Variants in ST8SIA5 observed in about 807,000 individuals in gnomAD.
ST8SIA5 encodes ST8 alpha-N-acetyl-neuraminide alpha-2,8-sialyltransferase 5.
In ST8SIA5, 24 loss-of-function variants were observed where a neutral mutation model predicts 40.2. The observed-to-expected ratio is 0.60, with a 90% CI of 0.43 to 0.84. ST8SIA5 has a LOEUF of 0.84. ST8SIA5 is among the 40% of genes least tolerant of loss of function. The probability of loss-of-function intolerance (pLI) is 0.00; values close to 1 mark genes in which losing one functional copy is unlikely to be tolerated. For missense variants in ST8SIA5, 465 were observed against 498.5 expected (o/e 0.93, Z 0.64); for synonymous variants, 198 against 201.8 (o/e 0.98, Z 0.16).
intron 5 of ST8SIA5, among the ~76,000 whole-genome samples, chr18:46,682,530 A>T (rs1016047497): frequency 1.3e-5 from 2 of 152,254 alleles, no homozygotes; most frequent in African/African-American, 4.8e-5. Flanking sequence ...TTAGAAATGC[A>T]ACACATATTG....
rs138473590 is a variant in ST8SIA5, at chr18:46,699,757, A to G, written c.224+4815T>C. Reference sequence around the variant, plus strand: ...CCCTCTGTCCACTTATTCATTTAACACATGAGTACTGAGCTGGCATAGGGC... The same window carrying G: ...CCCTCTGTCCACTTATTCATTTAACGCATGAGTACTGAGCTGGCATAGGGC... On this transcript the variant is annotated intron_variant, in intron 2 of 6. Coordinates refer to ENST00000315087, the MANE Select transcript of ST8SIA5 (RefSeq NM_013305.6). Among the ~76,000 whole-genome samples the G allele has an allele frequency of 7.4e-3, 1,129 of 152,274 alleles. 17 individuals carry two copies. Among genetic ancestry groups the G allele is most frequent in the African/African-American group, 0.025 (1,043 of 41,550 alleles).
intron 1 of ST8SIA5, among the ~76,000 whole-genome samples, chr18:46,735,525 T>C (rs1414658755): frequency 6.6e-6 from 1 of 152,214 alleles, no homozygotes; most frequent in African/African-American, 2.4e-5. Context: ...CACAGACTTA[T>C]AAATAAGTGC....
intron 2 of ST8SIA5, among the ~76,000 whole-genome samples, chr18:46,697,862 C>T (rs1390092618): frequency 6.6e-6 from 1 of 152,072 alleles, no homozygotes; most frequent in Non-Finnish European, 1.5e-5. Context: ...TAAAAAGATT[C>T]CACATTTCAG....
chr18:46,688,880 G>A lies in ST8SIA5; in HGVS notation c.351C>T (p.Leu117=). The change falls in exon 4 of 7, where the codon CTC becomes CTT. Residue 117 remains leucine (L), a synonymous_variant. Coordinates refer to ENST00000315087, the MANE Select transcript of ST8SIA5 (RefSeq NM_013305.6). ...LSRCCNAPAF[L]FTTQKNTPLG... ...GGGGAGTGTTCTTCTGGGTGGTGAA[G>A]AGAAAGGCAGGGGCGTTGCAGCACC... is the stretch of plus-strand genomic sequence containing the variant. The A allele has an allele frequency of 1.2e-6, 2 of 1,614,148 alleles. No homozygotes were observed. The highest frequency in any genetic ancestry group is 1.7e-6 in the Non-Finnish European group (2 of 1,180,004).
chr18:46,755,213 A>C lies in ST8SIA5; in HGVS notation c.131+1165T>G, dbSNP rs1402521191. Among the ~76,000 whole-genome samples, 5 of 152,188 alleles carry C rather than the reference A, an allele frequency of 3.3e-5. No individual in the cohort carries two copies. The South Asian group carries it at 1.0e-3, about 32-fold the overall frequency. On this transcript the variant is annotated intron_variant, in intron 1 of 6. Transcript: ENST00000315087. ...TTTCCACTGGACAGCGACACCTAGCAGCGATCCTCACCCTCCCACCTTCGT... is the reference window on the plus strand; with the variant it reads ...TTTCCACTGGACAGCGACACCTAGCCGCGATCCTCACCCTCCCACCTTCGT...
At chr18:46,725,383 G>A (rs2039906617) in intron 1 of ST8SIA5, among the ~76,000 whole-genome samples, 2 of 152,116 alleles carry the variant, frequency 1.3e-5, no homozygotes, top group African/African-American at 2.4e-5. Flanking sequence ...CAGCATGCAT[G>A]AAGGGTCAGC....
chr18:46,702,172 G>C (rs1357134685), intron 2 of ST8SIA5, among the ~76,000 whole-genome samples: 1 of 150,108 alleles, frequency 6.7e-6, no homozygotes. Flanking sequence ...ACAGAAATTA[G>C]TCATTTATTC....
intron 1 of ST8SIA5, among the ~76,000 whole-genome samples, chr18:46,735,167 C>T (rs1212940471): frequency 2.6e-5 from 4 of 152,374 alleles, no homozygotes; most frequent in East Asian, 1.9e-4. Flanking sequence ...GTGTTTGCCA[C>T]GAGCTCTCAG....
intron 2 of ST8SIA5, among the ~76,000 whole-genome samples, chr18:46,693,922 C>T (rs763450716): frequency 1.3e-5 from 2 of 152,220 alleles, no homozygotes; most frequent in Non-Finnish European, 2.9e-5. Context: ...TTACTCCTTC[C>T]GCATTTCAGT....
chr18:46,728,700 T>C (rs2039956427), intron 1 of ST8SIA5, among the ~76,000 whole-genome samples: 1 of 152,140 alleles, frequency 6.6e-6, no homozygotes, highest in African/African-American at 2.4e-5. Context: ...TCCAAGAGCC[T>C]CCTGCTTCAG....
At chr18:46,753,435 G>T (rs1277260189) in intron 1 of ST8SIA5, among the ~76,000 whole-genome samples, 1 of 152,084 alleles carries the variant, frequency 6.6e-6, no homozygotes, top group African/African-American at 2.4e-5. Flanking sequence ...AGCTGGGTGT[G>T]GTGGCAGGCC....
At chr18:46,705,488 G>A (rs1324101222) in intron 1 of ST8SIA5, among the ~76,000 whole-genome samples, 2 of 152,218 alleles carry the variant, frequency 1.3e-5, no homozygotes, top group Non-Finnish European at 2.9e-5. Flanking sequence ...TCCTGAACAG[G>A]CTCTAGGAAT....
intron 1 of ST8SIA5, among the ~76,000 whole-genome samples, chr18:46,719,680 T>TTTTTTCTTTCTTTCTTTC (rs1421262526): frequency 6.9e-6 from 1 of 144,622 alleles, no homozygotes; most frequent in Non-Finnish European, 1.5e-5. Context: ...CTTTCTTTTC[T>TTTTTTCTTTCTTTCTTTC]TTTTTCTTTC....
chr18:46,737,773 T>C (rs1409043627), intron 1 of ST8SIA5, among the ~76,000 whole-genome samples: 1 of 152,056 alleles, frequency 6.6e-6, no homozygotes, highest in Non-Finnish European at 1.5e-5. Flanking sequence ...ATGTTAATAA[T>C]TAATTTTTTT....
chr18:46,744,503 G>A (rs521766), intron 1 of ST8SIA5, among the ~76,000 whole-genome samples: 104,278 of 151,904 alleles, frequency 0.69, 36,373 homozygotes, highest in Middle Eastern at 0.78. Flanking sequence ...TCAATTCAAC[G>A]AGAAGAGCTA....
intron 1 of ST8SIA5, among the ~76,000 whole-genome samples, chr18:46,716,086 G>GGATAGGTA (rs1555696177): frequency 6.4e-5 from 9 of 139,678 alleles, no homozygotes; most frequent in Non-Finnish European, 1.4e-4. Flanking sequence ...GAGTCACACA[G>GGATAGGTA]GATAGATAGA....
At chr18:46,688,957 A>G (rs1192214917) in intron 3 of ST8SIA5, 38 bp from the exon 4 acceptor site, 2 of 1,590,348 alleles carry the variant, frequency 1.3e-6, no homozygotes, top group South Asian at 2.3e-5. Flanking sequence ...GACGTGATGC[A>G]GGAAAGATGT....
chr18:46,737,683 C>G (rs572286099), intron 1 of ST8SIA5, among the ~76,000 whole-genome samples: 2 of 152,258 alleles, frequency 1.3e-5, no homozygotes, highest in South Asian at 4.2e-4. Context: ...TTTAATAGGA[C>G]TATGGAGAGG....
chr18:46,697,898 A>C (rs780656632), intron 2 of ST8SIA5, among the ~76,000 whole-genome samples: 1 of 152,244 alleles, frequency 6.6e-6, no homozygotes, highest in Non-Finnish European at 1.5e-5. Flanking sequence ...AGAGGAAAAA[A>C]AAATGGATAC....
Sources: allele counts gnomAD v4.1 joint callset (sites outside exome capture counted in the v4.1 genomes callset), GRCh38; gene constraint gnomAD v4.1.1; transcripts MANE v1.5; gene names NCBI Gene and HGNC (gene_info 2026-07-23, HGNC 2026-07-21).